LRMDA: variants seen among roughly 807,000 people sequenced by gnomAD.
LRMDA encodes leucine rich melanocyte differentiation associated, also known as leucine-rich melanocyte differentiation-associated protein.
A neutral mutation model predicts 29.8 loss-of-function variants in LRMDA; 18 were observed. That is an observed-to-expected ratio of 0.60 (90% CI 0.42 to 0.90). The LOEUF is 0.90. LRMDA is among the 40% of genes least tolerant of loss of function. LRMDA has a pLI of 0.00. For missense variants in LRMDA, 273 were observed against 273.9 expected (o/e 1.00, Z 0.02); for synonymous variants, 125 against 109.4 (o/e 1.14, Z -0.89).
At chr10:75,563,814 G>A (rs1423601496) in intron 2 of LRMDA, among the ~76,000 whole-genome samples, 1 of 152,110 alleles carries the variant, frequency 6.6e-6, no homozygotes, top group East Asian at 1.9e-4. Flanking sequence ...CTGTTTTCCT[G>A]GGTATCAGCA....
intron 5 of LRMDA, among the ~76,000 whole-genome samples, chr10:76,160,640 A>G (rs1473227409): frequency 6.6e-6 from 1 of 152,074 alleles, no homozygotes; most frequent in East Asian, 1.9e-4. Flanking sequence ...TTTTTTTGAA[A>G]TACTCCCGCC....
At chr10:75,534,411 A>T (rs1339481163) in intron 2 of LRMDA, among the ~76,000 whole-genome samples, 1 of 150,846 alleles carries the variant, frequency 6.6e-6, no homozygotes, top group Non-Finnish European at 1.5e-5. Flanking sequence ...ATTGGGTGGC[A>T]TTTAAGACTG....
intron 5 of LRMDA, among the ~76,000 whole-genome samples, chr10:76,117,140 A>G (rs1293674539): frequency 6.6e-6 from 1 of 152,186 alleles, no homozygotes; most frequent in East Asian, 1.9e-4. Context: ...ATCCATACCA[A>G]CAGTGCTCGT....
chr10:75,944,419 T>A (rs1846444043), intron 2 of LRMDA, among the ~76,000 whole-genome samples: 2 of 152,122 alleles, frequency 1.3e-5, no homozygotes, highest in South Asian at 4.1e-4. Flanking sequence ...TGTAAGTTTC[T>A]TCTATCTGCG....
At chr10:75,471,425 A>G (rs1844724986) in intron 2 of LRMDA, among the ~76,000 whole-genome samples, 1 of 151,910 alleles carries the variant, frequency 6.6e-6, no homozygotes, top group Non-Finnish European at 1.5e-5. Context: ...ACTTTTAGCA[A>G]CCCTAAGGGA....
chr10:76,007,439 A>G (rs968458340), intron 2 of LRMDA, among the ~76,000 whole-genome samples: 2 of 151,914 alleles, frequency 1.3e-5, no homozygotes, highest in African/African-American at 4.8e-5. Flanking sequence ...TCACCCCCCA[A>G]CCATAATTGA....
intron 2 of LRMDA, among the ~76,000 whole-genome samples, chr10:75,586,370 A>ATTTTTTTTT (rs1840656170): frequency 1.6e-5 from 1 of 64,448 alleles, no homozygotes; most frequent in Non-Finnish European, 2.6e-5. Context: ...TTTTTTTTTT[A>ATTTTTTTTT]AATTAGAGAC....
chr10:76,129,714 G>A (rs1421102161), intron 5 of LRMDA, among the ~76,000 whole-genome samples: 1 of 152,116 alleles, frequency 6.6e-6, no homozygotes, highest in East Asian at 1.9e-4. Context: ...CTTTACCAGT[G>A]GGGTTCTGTT....
At chr10:76,178,431 G>A (rs1292097290) in intron 5 of LRMDA, among the ~76,000 whole-genome samples, 1 of 152,178 alleles carries the variant, frequency 6.6e-6, no homozygotes, top group Non-Finnish European at 1.5e-5. Flanking sequence ...TCACCCATTA[G>A]CACTGCAGCA....
At chr10:76,466,626 A>T (rs2395381) in intron 6 of LRMDA, among the ~76,000 whole-genome samples, 143,803 of 152,036 alleles carry the variant, frequency 0.95, 68,479 homozygotes, top group Non-Finnish European at 0.99. Flanking sequence ...TAAAACCCCT[A>T]CTCTACAAAA....
intron 6 of LRMDA, among the ~76,000 whole-genome samples, chr10:76,512,061 G>A (rs1264898916): frequency 6.6e-6 from 1 of 152,074 alleles, no homozygotes; most frequent in Non-Finnish European, 1.5e-5. Context: ...TGAATCATGG[G>A]GATAGTTTCG....
chr10:75,878,060 G>A (rs985861676), intron 2 of LRMDA, among the ~76,000 whole-genome samples: 1 of 152,184 alleles, frequency 6.6e-6, no homozygotes, highest in African/African-American at 2.4e-5. Context: ...CCCCACAGCA[G>A]GGTCTAGGGT....
At chr10:76,528,930 A>G (rs1188965754) in intron 6 of LRMDA, among the ~76,000 whole-genome samples, 6 of 152,184 alleles carry the variant, frequency 3.9e-5, no homozygotes, top group African/African-American at 9.7e-5. Flanking sequence ...GAGCACTGCT[A>G]TGCTCAACAG....
intron 5 of LRMDA, among the ~76,000 whole-genome samples, chr10:76,230,342 T>C (rs1852034911): frequency 6.6e-6 from 1 of 152,172 alleles, no homozygotes; most frequent in South Asian, 2.1e-4. Context: ...TAATTGTGTA[T>C]CTGTATGTAA....
At chr10:75,775,161 C>T (rs1843294743) in intron 2 of LRMDA, among the ~76,000 whole-genome samples, 1 of 152,224 alleles carries the variant, frequency 6.6e-6, no homozygotes, top group Non-Finnish European at 1.5e-5. Flanking sequence ...CAAGGATTCT[C>T]CATGTTATTT....
At chr10:76,124,419 CCTTT>C (rs569534530) in intron 5 of LRMDA, among the ~76,000 whole-genome samples, 2 of 152,198 alleles carry the variant, frequency 1.3e-5, no homozygotes, top group Admixed American at 6.5e-5. Context: ...TCTCAGGCTG[CCTTT>C]CTTTCCTCTA....
At chr10:75,721,023 G>A (rs1334981052) in intron 2 of LRMDA, among the ~76,000 whole-genome samples, 1 of 152,202 alleles carries the variant, frequency 6.6e-6, no homozygotes, top group East Asian at 1.9e-4. Context: ...TACACAGAAT[G>A]CCGTGGAAGA....
chr10:76,440,715 C>T (rs778754909), intron 6 of LRMDA, among the ~76,000 whole-genome samples: 17 of 152,044 alleles, frequency 1.1e-4, no homozygotes, highest in South Asian at 1.0e-3. Context: ...CGGCTGTACA[C>T]GGTAAAGATG....
intron 5 of LRMDA, among the ~76,000 whole-genome samples, chr10:76,258,440 T>G (rs1156846974): frequency 6.6e-6 from 1 of 152,180 alleles, no homozygotes; most frequent in Non-Finnish European, 1.5e-5. Flanking sequence ...TCGCAAACAT[T>G]TTTCATTTCT....
Sources: allele counts gnomAD v4.1 joint callset (sites outside exome capture counted in the v4.1 genomes callset), GRCh38; gene constraint gnomAD v4.1.1; transcripts MANE v1.5; gene names NCBI Gene and HGNC (gene_info 2026-07-23, HGNC 2026-07-21).